Variants in MSRA observed in about 807,000 individuals in gnomAD.
The protein encoded by MSRA is mitochondrial peptide methionine sulfoxide reductase.
MSRA carries 54 observed loss-of-function variants against 31.3 expected under a neutral mutation model. The ratio of observed to expected loss-of-function variants is 1.73; its 90% CI spans 1.39 to 2.17. The LOEUF (loss-of-function observed/expected upper bound fraction) is 2.17, where lower values mean the gene tolerates loss of function less well. Among genes scored for constraint, MSRA ranks in the 30% most tolerant of loss-of-function variants. MSRA has a pLI of 0.00. For synonymous variants in MSRA, 169 were observed against 116.5 expected (o/e 1.45, Z -2.90); for missense variants, 507 against 300.9 (o/e 1.69, Z -5.07).
chr8:10,211,720 A>G (rs1809514000), intron 2 of MSRA, among the ~76,000 whole-genome samples: 1 of 152,064 alleles, frequency 6.6e-6, no homozygotes, highest in South Asian at 2.1e-4. Context: ...AGGTATGAGA[A>G]CATCTTTTGC....
At chr8:10,242,618 A>G (rs1246318006) in intron 2 of MSRA, among the ~76,000 whole-genome samples, 1 of 152,188 alleles carries the variant, frequency 6.6e-6, no homozygotes, top group Non-Finnish European at 1.5e-5. Flanking sequence ...TTTAAAGAAA[A>G]TAGTGCATAC....
At chr8:10,306,422 C>T (rs115882144) in intron 4 of MSRA, among the ~76,000 whole-genome samples, 6 of 152,260 alleles carry the variant, frequency 3.9e-5, no homozygotes, top group African/African-American at 1.4e-4. Flanking sequence ...TTTATTCTTA[C>T]ATCTGTGTTG....
chr8:10,384,480 C>A (rs896387945), intron 5 of MSRA, among the ~76,000 whole-genome samples: 1 of 152,190 alleles, frequency 6.6e-6, no homozygotes. Context: ...TGGTGGAGAA[C>A]GAGGACGATG....
At chr8:10,149,516 T>C (rs908514348) in intron 1 of MSRA, among the ~76,000 whole-genome samples, 1 of 152,166 alleles carries the variant, frequency 6.6e-6, no homozygotes, top group Non-Finnish European at 1.5e-5. Context: ...TCGCACCTTA[T>C]TACAACTTAC....
intron 1 of MSRA, among the ~76,000 whole-genome samples, chr8:10,150,905 A>G (rs746789419): frequency 2.6e-5 from 4 of 152,058 alleles, no homozygotes; most frequent in South Asian, 4.1e-4. Flanking sequence ...CTCATTTTAT[A>G]TATCAGTAAG....
intron 5 of MSRA, among the ~76,000 whole-genome samples, chr8:10,420,028 T>C (rs920137348): frequency 3.9e-5 from 6 of 152,164 alleles, no homozygotes; most frequent in African/African-American, 9.7e-5. Context: ...TGTTCCCAGA[T>C]GTGTATTATT....
rs149152114 is a variant in MSRA at position 10,283,129 on chromosome 8, T to TCAC, written c.332-18405_332-18404insCAC. ...CACATCATATTGCATATATTCACAT[T>TCAC]ACACACACACACACACACACACACA... On this transcript the variant is annotated intron_variant, in intron 3 of 5. Coordinates refer to ENST00000317173, the MANE Select transcript of MSRA (RefSeq NM_012331.5). 7.9e-5 allele frequency among the ~76,000 whole-genome samples: 11 copies of TCAC among 138,570 alleles called. No homozygotes were observed. The East Asian group carries it at 2.1e-3, about 26-fold the overall frequency. The allele number at this position is 138,570 out of a possible 152,430, so 90.9% of individuals were successfully genotyped here.
intron 3 of MSRA, among the ~76,000 whole-genome samples, chr8:10,274,302 C>T (rs776100945): frequency 1.2e-4 from 18 of 152,100 alleles, no homozygotes; most frequent in Non-Finnish European, 2.5e-4. Context: ...ATTTGAAAAA[C>T]AGCTGCCTGA....
At chr8:10,425,885 C>A (rs1365527474) in intron 5 of MSRA, among the ~76,000 whole-genome samples, 1 of 152,228 alleles carries the variant, frequency 6.6e-6, no homozygotes, top group Non-Finnish European at 1.5e-5. Context: ...TATTTTACAT[C>A]CCTCAGTTCT....
chr8:10,113,047 T>A (rs112419861), intron 1 of MSRA, among the ~76,000 whole-genome samples: 1 of 152,094 alleles, frequency 6.6e-6, no homozygotes, highest in African/African-American at 2.4e-5. Context: ...TGTCTGCAGC[T>A]CCATCACCTC....
chr8:10,232,827 T>G (rs1811609850), intron 2 of MSRA, among the ~76,000 whole-genome samples: 1 of 152,212 alleles, frequency 6.6e-6, no homozygotes, highest in African/African-American at 2.4e-5. Flanking sequence ...TCTTACCAAG[T>G]AATGATTTTG....
chr8:10,357,347 T>A (rs1490258378), intron 5 of MSRA, among the ~76,000 whole-genome samples: 1 of 152,246 alleles, frequency 6.6e-6, no homozygotes, highest in East Asian at 1.9e-4. Flanking sequence ...AATAAATGCT[T>A]AATGCTTTCT....
At chr8:10,171,700 A>C (rs1282043961) in intron 1 of MSRA, among the ~76,000 whole-genome samples, 1 of 152,248 alleles carries the variant, frequency 6.6e-6, no homozygotes, top group African/African-American at 2.4e-5. Flanking sequence ...TAAATCATCA[A>C]CTCAACCATG....
chr8:10,210,295 G>T (rs1326358456), intron 2 of MSRA, among the ~76,000 whole-genome samples: 3 of 152,162 alleles, frequency 2.0e-5, no homozygotes, highest in Non-Finnish European at 4.4e-5. Flanking sequence ...TACAGTTTGA[G>T]CCCAAGTCTA....
intron 1 of MSRA, 45 bp downstream of exon 1, chr8:10,054,703 T>A (rs765128475): frequency 6.8e-7 from 1 of 1,463,538 alleles, no homozygotes; most frequent in Admixed American, 2.3e-5. Context: ...ACGCTGCGCA[T>A]GCGCGCCTTT....
intron 3 of MSRA, chr8:10,250,316 C>G (rs1234249847): frequency 1.2e-5 from 8 of 643,970 alleles, no homozygotes; most frequent in Non-Finnish European, 2.0e-5. Context: ...GATAAGCATT[C>G]TGGGTTAATT....
At chr8:10,225,252 C>G (rs1159089539) in intron 2 of MSRA, among the ~76,000 whole-genome samples, 2 of 152,230 alleles carry the variant, frequency 1.3e-5, no homozygotes, top group Non-Finnish European at 2.9e-5. Flanking sequence ...AGTTGAAACC[C>G]TACTCTTCCT....
In MSRA at chr8:10,319,919, G is replaced by T; in HGVS notation, c.473G>T (p.Arg158Leu). The T allele has an allele frequency of 6.3e-7, 1 of 1,597,376 alleles. No individual in the cohort carries two copies. The highest frequency in any genetic ancestry group is 1.7e-5 in the Admixed American group (1 of 57,788). The change falls in exon 5 of 6, where the codon CGC becomes CTC. Residue 158 changes from arginine to leucine, a missense_variant. Physicochemically the swap from Arg to Leu is moderately radical, Grantham distance 102. Transcript: ENST00000317173. ...RQGNDHGTQY[R>L]SAIYPTSAKQ... ...GGGAACGACCATGGCACTCAGTACC[G>T]CTCGGCCATCTACCCGACCTCTGCC...
At chr8:10,278,806 T>G (rs1799462481) in intron 3 of MSRA, among the ~76,000 whole-genome samples, 2 of 152,320 alleles carry the variant, frequency 1.3e-5, no homozygotes, top group South Asian at 4.1e-4. Context: ...GACAGTCTTT[T>G]AAAGTTGATT....
Sources: allele counts gnomAD v4.1 joint callset (sites outside exome capture counted in the v4.1 genomes callset), GRCh38; gene constraint gnomAD v4.1.1; transcripts MANE v1.5; gene names NCBI Gene and HGNC (gene_info 2026-07-23, HGNC 2026-07-21).